The following KIR3DL2 variants were observed in gnomAD, a reference collection of about 807,000 sequenced individuals.
KIR3DL2 encodes the protein killer cell immunoglobulin like receptor, three Ig domains and long cytoplasmic tail 2, also known as killer cell immunoglobulin-like receptor 3DL2.
KIR3DL2 carries 42 observed loss-of-function variants against 41.6 expected under a neutral mutation model. The observed-to-expected ratio is 1.01, with a 90% CI of 0.79 to 1.31. The LOEUF is 1.31. Among genes scored for constraint, KIR3DL2 ranks in the 50% most tolerant of loss-of-function variants. The pLI is 0.00. For missense variants in KIR3DL2, 728 were observed against 576.8 expected, an observed-to-expected ratio of 1.26 and a Z score of -2.68; for synonymous variants, 230 against 221.3, an observed-to-expected ratio of 1.04 and a Z score of -0.35.
At chr19:54,859,578 G>A (rs1208776755) in intron 6 of KIR3DL2, among the ~76,000 whole-genome samples, 9 of 151,856 alleles carry the variant, frequency 5.9e-5, no homozygotes, top group Admixed American at 1.3e-4. Flanking sequence ...TGCCGTAACA[G>A]AGAACAGAGC....
intron 2 of KIR3DL2, 72 bp from the exon 3 acceptor site, chr19:54,851,926 A>G (rs2064279218): frequency 1.3e-6 from 2 of 1,566,822 alleles, no homozygotes; most frequent in Non-Finnish European, 1.7e-6. Context: ...AAATGGGAGA[A>G]TCTTCTGAGC....
chr19:54,866,662 T>A lies in KIR3DL2; in HGVS notation c.1299T>A (p.Asn433Lys). The change falls in exon 9 of 9, where the codon AAT (asparagine) becomes AAA (lysine). Residue 433 changes from asparagine to lysine, a missense_variant. Transcript: ENST00000326321. The part of the protein sequence containing the change: ...TDTSVYTELP[N>K]AEPRSKVVSC... Reference sequence around the variant, plus strand: ...CCAGCGTGTACACGGAACTTCCAAATGCTGAGCCCAGATCCAAAGTTGTCT... The same window carrying A: ...CCAGCGTGTACACGGAACTTCCAAAAGCTGAGCCCAGATCCAAAGTTGTCT... 1.2e-6 allele frequency: 2 copies of A among 1,613,950 alleles called. No individual in the cohort carries two copies. The highest frequency in any genetic ancestry group is 3.3e-5 in the Admixed American group (2 of 60,018).
chr19:54,861,350 T>C (rs936883810), intron 6 of KIR3DL2, among the ~76,000 whole-genome samples: 3 of 151,956 alleles, frequency 2.0e-5, no homozygotes, highest in Non-Finnish European at 4.4e-5. Context: ...GGACCTAGTA[T>C]AGCATAATAT....
intron 2 of KIR3DL2, 143 bp from the exon 3 acceptor site, chr19:54,851,855 G>T: frequency 1.1e-6 from 1 of 874,114 alleles, no homozygotes; most frequent in Non-Finnish European, 1.8e-6. Flanking sequence ...CCATGTCTAT[G>T]TGGGGTGGGT....
In KIR3DL2 at chr19:54,855,923, C is replaced by T; in HGVS notation, c.949+11C>T. The T allele has an allele frequency of 6.2e-7, 1 of 1,613,098 alleles. No homozygotes were observed. The highest frequency in any genetic ancestry group is 8.5e-7 in the Non-Finnish European group (1 of 1,179,670). ...TTGTTTCTGTCACAGGTGAGGAAAA[C>T]CCGTGTCTGTCCCATGTCTTATGAT... is the stretch of plus-strand genomic sequence containing the variant. On this transcript the variant is annotated intron_variant, in intron 5 of 8. Transcript: ENST00000326321.
intron 7 of KIR3DL2, among the ~76,000 whole-genome samples, 160 bp from the exon 8 acceptor site, chr19:54,866,210 T>A (rs533357382): frequency 6.6e-6 from 1 of 152,008 alleles, no homozygotes; most frequent in Non-Finnish European, 1.5e-5. Flanking sequence ...CTTCATGGGA[T>A]GGGGTCTTGA....
chr19:54,863,317 C>T (rs1290836843), intron 6 of KIR3DL2, among the ~76,000 whole-genome samples: 4 of 151,930 alleles, frequency 2.6e-5, no homozygotes, highest in South Asian at 2.1e-4. Context: ...AATAAACATA[C>T]GTGTCCATGT....
chr19:54,855,880 A>G lies in KIR3DL2; in HGVS notation c.917A>G (p.Asn306Ser). The G allele has an allele frequency of 6.2e-7, 1 of 1,613,472 alleles. No homozygotes were observed. The highest frequency in any genetic ancestry group is 1.1e-5 in the South Asian group (1 of 91,080). ...SFRALPCVWS[N>S]SSDPLLVSVT... ...CGTGCCCTGCCCTGCGTGTGGTCAA[A>G]CTCAAGTGACCCACTGCTTGTTTCT... Residue 306 changes from asparagine to serine, a missense_variant, in exon 5 of 9, where the codon AAC (asparagine) becomes AGC (serine). Physicochemically the swap from Asn to Ser is conservative, Grantham distance 46. Transcript: ENST00000326321.
intron 6 of KIR3DL2, among the ~76,000 whole-genome samples, chr19:54,862,607 C>A (rs954236525): frequency 6.6e-6 from 1 of 151,902 alleles, no homozygotes. Flanking sequence ...CTGGGGGAAG[C>A]CAGAAAATAG....
chr19:54,862,196 G>A (rs1469717895), intron 6 of KIR3DL2, among the ~76,000 whole-genome samples: 9 of 152,214 alleles, frequency 5.9e-5, no homozygotes, highest in Non-Finnish European at 7.4e-5. Context: ...TTTCACATGG[G>A]CTTCATCATT....
intron 3 of KIR3DL2, among the ~76,000 whole-genome samples, chr19:54,853,428 G>A (rs1248657317): frequency 6.6e-6 from 1 of 151,800 alleles, no homozygotes. Context: ...TGAGAGCCTG[G>A]ACATGCAGCC....
chr19:54,852,617 G>A (rs989855648), intron 3 of KIR3DL2, among the ~76,000 whole-genome samples: 1 of 150,644 alleles, frequency 6.6e-6, no homozygotes, highest in Non-Finnish European at 1.5e-5. Context: ...CCGCGTGAGA[G>A]GTGGAGGAAG....
At chr19:54,864,486 T>C (rs977689290) in intron 6 of KIR3DL2, among the ~76,000 whole-genome samples, 4 of 152,142 alleles carry the variant, frequency 2.6e-5, no homozygotes, top group Non-Finnish European at 5.9e-5. Context: ...TTCCTACCCA[T>C]GAGCATGGAA....
intron 7 of KIR3DL2, among the ~76,000 whole-genome samples, 178 bp downstream of exon 7, chr19:54,866,087 C>A (rs2065492743): frequency 6.6e-6 from 1 of 152,090 alleles, no homozygotes; most frequent in Admixed American, 6.5e-5. Flanking sequence ...GCTCACAGAC[C>A]ATTGCCTGGT....
chr19:54,850,766 G>C (rs1307634210), intron 1 of KIR3DL2, among the ~76,000 whole-genome samples: 4 of 123,984 alleles, frequency 3.2e-5, no homozygotes, highest in Middle Eastern at 4.6e-3. Context: ...CTGGAGTGGA[G>C]ATATGGGCCT....
chr19:54,866,342 C>T (rs376452008), intron 7 of KIR3DL2, 28 bp from the exon 8 acceptor site: 60 of 1,613,472 alleles, frequency 3.7e-5, no homozygotes, highest in Middle Eastern at 1.7e-4. Context: ...GCCCTCCAAG[C>T]GGTTTTGATG....
chr19:54,854,115 C>T, intron 4 of KIR3DL2, 69 bp downstream of exon 4: 1 of 1,574,418 alleles, frequency 6.4e-7, no homozygotes, highest in Non-Finnish European at 8.7e-7. Context: ...ACTTGGAACC[C>T]CCAGGTGGTC....
At chr19:54,861,198 G>A (rs12608797) in intron 6 of KIR3DL2, among the ~76,000 whole-genome samples, 28,118 of 134,176 alleles carry the variant, frequency 0.21, 3,193 homozygotes, top group East Asian at 0.57. Context: ...AGAATCATTG[G>A]CTGGAAAGGC....
At chr19:54,856,031 G>GA (rs1556683039) in intron 5 of KIR3DL2, 119 bp downstream of exon 5, 1 of 1,263,034 alleles carries the variant, frequency 7.9e-7, no homozygotes, top group Non-Finnish European at 1.1e-6. Flanking sequence ...GACTGGGTGT[G>GA]AGGGGGGGGT....
Sources: allele counts gnomAD v4.1 joint callset (sites outside exome capture counted in the v4.1 genomes callset), GRCh38; gene constraint gnomAD v4.1.1; transcripts MANE v1.5; gene names NCBI Gene and HGNC (gene_info 2026-07-23, HGNC 2026-07-21).